The following FGF14 variants were observed in gnomAD, a reference collection of about 807,000 sequenced individuals.
The protein encoded by FGF14 is fibroblast growth factor 14.
Under a neutral mutation model 25.5 loss-of-function variants are expected in FGF14, and 5 were observed. The observed-to-expected ratio is 0.20, with a 90% CI of 0.10 to 0.41. The LOEUF (loss-of-function observed/expected upper bound fraction) is 0.41. Among genes scored for constraint, FGF14 ranks in the 10% least tolerant of loss-of-function variants. The probability of loss-of-function intolerance (pLI) is 1.00; values close to 1 mark genes in which losing one functional copy is unlikely to be tolerated. For synonymous variants in FGF14, 138 were observed against 118.3 expected, an observed-to-expected ratio of 1.17 and a Z score of -1.08; for missense variants, 222 against 320.1, an observed-to-expected ratio of 0.69 and a Z score of 2.34.
At chr13:102,230,524 C>T (rs1276006238) in intron 1 of FGF14, among the ~76,000 whole-genome samples, 1 of 152,182 alleles carries the variant, frequency 6.6e-6, no homozygotes, top group African/African-American at 2.4e-5. Flanking sequence ...CCAGCTCCCC[C>T]TTCCTAGCCC....
intron 1 of FGF14, among the ~76,000 whole-genome samples, chr13:101,989,388 G>C (rs893228400): frequency 2.6e-5 from 4 of 152,008 alleles, no homozygotes; most frequent in Admixed American, 6.6e-5. Context: ...TTTTATGAAA[G>C]ATGGAGAATT....
intron 1 of FGF14, among the ~76,000 whole-genome samples, chr13:101,903,015 T>C (rs972996006): frequency 6.6e-6 from 1 of 152,212 alleles, no homozygotes; most frequent in Admixed American, 6.5e-5. Context: ...GTTCATCCAA[T>C]GTTGCCATCT....
chr13:102,257,399 T>A (rs2052501339), intron 1 of FGF14, among the ~76,000 whole-genome samples: 1 of 126,566 alleles, frequency 7.9e-6, no homozygotes, highest in Admixed American at 9.9e-5. Context: ...TCACCCAGGC[T>A]GGAGCACAGT....
At position 101,875,238 on chromosome 13, in the gene FGF14, T is replaced by G; in HGVS notation, c.252A>C (p.Gln84His). The change falls in exon 2 of 5, where the codon CAA becomes CAC. Residue 84 changes from glutamine to histidine, a missense_variant. Gln to His is a conservative substitution (Grantham distance 24). This residue lies in a region of FGF14 where 50 missense variants were observed against 75.2 expected (regional missense o/e 0.66). Transcript: ENST00000376143. Reference sequence around the variant, plus strand: ...CATCGAGAGCTCCATCGGGGTGCATTTGCAAGTAGTAGCCTTGCCTGCAAT... The same window carrying G: ...CATCGAGAGCTCCATCGGGGTGCATGTGCAAGTAGTAGCCTTGCCTGCAAT... The part of the protein sequence containing the change: ...RLYCRQGYYL[Q>H]MHPDGALDGT... The G allele has an allele frequency of 1.2e-6, 2 of 1,613,556 alleles. No individual in the cohort carries two copies. The highest frequency in any genetic ancestry group is 8.5e-7 in the Non-Finnish European group (1 of 1,179,580).
chr13:101,853,884 G>A (rs550611990), intron 3 of FGF14, among the ~76,000 whole-genome samples: 215 of 152,098 alleles, frequency 1.4e-3, no homozygotes, highest in African/African-American at 4.9e-3. Flanking sequence ...AAAAGAAAAG[G>A]ATTCTCTATT....
At chr13:101,914,503 C>G (rs970242343) in intron 1 of FGF14, among the ~76,000 whole-genome samples, 4 of 152,014 alleles carry the variant, frequency 2.6e-5, no homozygotes, top group African/African-American at 9.7e-5. Flanking sequence ...TCTTACAGAA[C>G]ATTGAAGATT....
intron 1 of FGF14, among the ~76,000 whole-genome samples, chr13:102,312,448 A>G (rs747227278): frequency 3.3e-5 from 5 of 152,210 alleles, no homozygotes. Context: ...TTCAGATCCA[A>G]GATCACCAAA....
chr13:101,893,764 C>G (rs2030158717), intron 1 of FGF14, among the ~76,000 whole-genome samples: 3 of 152,106 alleles, frequency 2.0e-5, no homozygotes, highest in Admixed American at 1.3e-4. Flanking sequence ...ACTGACAAGT[C>G]AATTTTAGCC....
upstream of FGF14, chr13:102,402,374 A>C (rs1367464209): frequency 6.6e-6 from 1 of 152,376 alleles, no homozygotes; most frequent in Non-Finnish European, 1.5e-5. Context: ...AACCGTGAGC[A>C]TGAGGAAAAT....
chr13:101,721,301 CTG>C lies in FGF14; in HGVS notation c.*1528_*1529del, dbSNP rs2034965247. Reference sequence around the variant, plus strand: ...CATGGAATCTTCATTGTGTAGTCAACTGTTCCTGGCCTTTCTTGGTAGTTGTC... The same window carrying C: ...CATGGAATCTTCATTGTGTAGTCAACTTCCTGGCCTTTCTTGGTAGTTGTC... On this transcript the variant is annotated 3_prime_UTR_variant, in exon 5 of 5. Transcript: ENST00000376143. 6.6e-6 allele frequency: 1 copy of C among 152,270 alleles called. No homozygotes were observed. The highest frequency in any genetic ancestry group is 2.4e-5 in the African/African-American group (1 of 41,558). The allele number at this position is 152,270 out of a possible 1,614,324, so 9.4% of individuals were successfully genotyped here. A position where few individuals can be genotyped will look rare whatever the true frequency, so the allele number is the denominator to read the frequency against.
At chr13:101,986,646 G>T (rs1319480859) in intron 1 of FGF14, among the ~76,000 whole-genome samples, 1 of 152,058 alleles carries the variant, frequency 6.6e-6, no homozygotes, top group African/African-American at 2.4e-5. Context: ...TTTAATAAGA[G>T]CAGGCCTTGC....
At chr13:102,378,130 T>A (rs1169241211) in intron 1 of FGF14, among the ~76,000 whole-genome samples, 1 of 152,168 alleles carries the variant, frequency 6.6e-6, no homozygotes, top group South Asian at 2.1e-4. Context: ...TAATGGTGAA[T>A]ACATTATATA....
chr13:102,153,256 AAG>A (rs1431721862), intron 1 of FGF14, among the ~76,000 whole-genome samples: 7 of 152,152 alleles, frequency 4.6e-5, no homozygotes, highest in Admixed American at 4.6e-4. Flanking sequence ...GAGAAAGAAA[AAG>A]AACTAGAATT....
At chr13:102,276,643 TGCA>T in intron 1 of FGF14, among the ~76,000 whole-genome samples, 2 of 152,194 alleles carry the variant, frequency 1.3e-5, no homozygotes, top group South Asian at 4.1e-4. Context: ...TGTCACGGTA[TGCA>T]GTCTTCTTTC....
intron 1 of FGF14, among the ~76,000 whole-genome samples, chr13:102,265,179 A>T (rs188166996): frequency 3.5e-4 from 53 of 152,112 alleles, no homozygotes; most frequent in African/African-American, 1.2e-3. Context: ...CTTCCCTCCA[A>T]AACAAGGTCT....
At chr13:102,083,867 G>A (rs2043759264) in intron 1 of FGF14, among the ~76,000 whole-genome samples, 1 of 152,060 alleles carries the variant, frequency 6.6e-6, no homozygotes, top group Non-Finnish European at 1.5e-5. Flanking sequence ...TAAATCTAAG[G>A]CAATTGGTCA....
At chr13:102,141,101 T>C (rs2046624975) in intron 1 of FGF14, among the ~76,000 whole-genome samples, 3 of 152,214 alleles carry the variant, frequency 2.0e-5, no homozygotes, top group Admixed American at 2.0e-4. Context: ...GGGCTTCCTC[T>C]ACTAGAAATA....
At chr13:101,917,057 G>A (rs1435578644), upstream of FGF14, among the ~76,000 whole-genome samples, 2 of 151,398 alleles carry the variant, frequency 1.3e-5, no homozygotes, top group African/African-American at 4.8e-5. Flanking sequence ...GCCGGCCGGC[G>A]GCTCCCCGGG....
chr13:101,793,329 AT>A (rs2040345407), intron 3 of FGF14, among the ~76,000 whole-genome samples: 1 of 152,116 alleles, frequency 6.6e-6, no homozygotes, highest in African/African-American at 2.4e-5. Context: ...AATGTGTGGT[AT>A]TTGTCTGTGT....
Sources: allele counts gnomAD v4.1 joint callset (sites outside exome capture counted in the v4.1 genomes callset), GRCh38; gene constraint gnomAD v4.1.1; regional missense constraint gnomAD v4.1.1; transcripts MANE v1.5; gene names NCBI Gene and HGNC (gene_info 2026-07-23, HGNC 2026-07-21).